NR2F6: variants seen among roughly 807,000 people sequenced by gnomAD.
NR2F6 encodes the protein ERBA-related gene-2.
In NR2F6, 16 loss-of-function variants were observed where a neutral mutation model predicts 26.5. The observed-to-expected ratio is 0.60, with a 90% CI of 0.41 to 0.92. NR2F6 has a LOEUF of 0.92. NR2F6 is among the 40% of genes least tolerant of loss of function. The pLI is 0.00. For missense variants in NR2F6, 536 were observed against 631.7 expected (o/e 0.85, Z 1.62); for synonymous variants, 325 against 305.0 (o/e 1.07, Z -0.68).
At position 17,245,484 on chromosome 19, in the gene NR2F6, C is replaced by A. The variant is rs1418058718; in HGVS notation, c.-264G>T. 5.4e-6 allele frequency: 1 copy of A among 183,922 alleles called. No individual in the cohort carries two copies. Among genetic ancestry groups the A allele is most frequent in the Admixed American group, 6.3e-5 (1 of 15,920 alleles). The allele number at this position is 183,922 out of a possible 1,614,324, so 11.4% of individuals were successfully genotyped here. On this transcript the variant is annotated 5_prime_UTR_variant, in exon 1 of 4. Coordinates refer to ENST00000291442, the MANE Select transcript of NR2F6 (RefSeq NM_005234.4). The surrounding 1 kb of genome is among the most constrained non-coding windows in gnomAD (Gnocchi z 5.0). ...GGAGGGGCACGCTAGAGGCGCGGGC[C>A]GGGGGCCCAGAGGACTCGCGTCCCG...
Position 17,232,210 on chromosome 19 carries a change from C to T in NR2F6, c.*142G>A, listed in dbSNP as rs2145561332. 6 of 1,159,148 alleles carry T rather than the reference C, an allele frequency of 5.2e-6. No individual in the cohort carries two copies. Among genetic ancestry groups the T allele is most frequent in the Non-Finnish European group, 4.8e-6 (4 of 835,518 alleles). The allele number at this position is 1,159,148 out of a possible 1,614,324, so 71.8% of individuals were successfully genotyped here. A position where few individuals can be genotyped will look rare whatever the true frequency, so the allele number is the denominator to read the frequency against. Reference sequence around the variant, plus strand: ...TCATTTAAAAAACAGAAAAGACAAACATTTCACAGTCTTTAAAAAATAGAA... The same window carrying T: ...TCATTTAAAAAACAGAAAAGACAAATATTTCACAGTCTTTAAAAAATAGAA... On this transcript the variant is annotated 3_prime_UTR_variant, in exon 4 of 4. Coordinates refer to ENST00000291442, the MANE Select transcript of NR2F6 (RefSeq NM_005234.4).
chr19:17,243,577 C>T (rs1012936219), intron 1 of NR2F6, among the ~76,000 whole-genome samples: 19 of 152,066 alleles, frequency 1.2e-4, no homozygotes, highest in African/African-American at 4.3e-4. Flanking sequence ...AGAGAGCAGG[C>T]GGTTTTCCAG....
At chr19:17,233,404 T>C (rs1299523503) in intron 3 of NR2F6, among the ~76,000 whole-genome samples, 1 of 152,172 alleles carries the variant, frequency 6.6e-6, no homozygotes, top group African/African-American at 2.4e-5. Flanking sequence ...CCTCCAGAGA[T>C]AGTGAGGTGT....
At chr19:17,238,646 C>A (rs1337862034) in intron 2 of NR2F6, among the ~76,000 whole-genome samples, 2 of 152,120 alleles carry the variant, frequency 1.3e-5, no homozygotes, top group Non-Finnish European at 2.9e-5. Flanking sequence ...GAGGCAAAAT[C>A]CATGTTATGG....
chr19:17,234,167 G>T (rs2073422983), intron 3 of NR2F6, among the ~76,000 whole-genome samples: 1 of 150,388 alleles, frequency 6.6e-6, no homozygotes, highest in East Asian at 2.0e-4. Context: ...AGGTTGCAGT[G>T]AGCCGAGATC....
rs932634168 is a variant in NR2F6 at position 17,235,704 on chromosome 19, C to G, written c.735G>C (p.Leu245=). The G allele has an allele frequency of 1.3e-6, 2 of 1,496,748 alleles. No individual in the cohort carries two copies. Among genetic ancestry groups the G allele is most frequent in the Non-Finnish European group, 1.8e-6 (2 of 1,132,634 alleles). The allele number at this position is 1,496,748 out of a possible 1,614,324, so 92.7% of individuals were successfully genotyped here. A position where few individuals can be genotyped will look rare whatever the true frequency, so the allele number is the denominator to read the frequency against. Residue 245 remains leucine, a synonymous_variant, in exon 3 of 4, where the codon CTG becomes CTC. Coordinates refer to ENST00000291442, the MANE Select transcript of NR2F6 (RefSeq NM_005234.4). This position sits in a 1 kb window ranked among gnomAD's most constrained non-coding sequence, Gnocchi z 5.0. ...LRLSWSELFV[L]NAAQAALPLH... is the part of the protein sequence containing the mutation. ...GGGGCAGCGCCGCCTGCGCCGCGTT[C>G]AGCACGAAGAGCTCGCTCCAGCTCA...
At position 17,232,519 on chromosome 19, in the gene NR2F6, A is replaced by G. The variant is rs754055705; in HGVS notation, c.1048T>C (p.Phe350Leu). 6 of 1,611,164 alleles carry G rather than the reference A, an allele frequency of 3.7e-6. No homozygotes were observed. The highest frequency in any genetic ancestry group is 4.2e-6 in the Non-Finnish European group (5 of 1,178,794). Residue 350 changes from phenylalanine to leucine, a missense_variant, in exon 4 of 4, where the codon TTC (phenylalanine) becomes CTC (leucine). Coordinates refer to ENST00000291442, the MANE Select transcript of NR2F6 (RefSeq NM_005234.4). ...RAQYPSQPQR[F>L]GRLLLRLPAL... Reference sequence around the variant, plus strand: ...GGGAGCCGCAGCAGCAGGCGCCCGAAGCGCTGGGGCTGGGACGGGTACTGC... The same window carrying G: ...GGGAGCCGCAGCAGCAGGCGCCCGAGGCGCTGGGGCTGGGACGGGTACTGC...
chr19:17,244,576 G>A, intron 1 of NR2F6: 1 of 230,800 alleles, frequency 4.3e-6, no homozygotes, highest in Non-Finnish European at 8.5e-6. Context: ...AGGGCATCCC[G>A]CGCGCCGGGA....
At chr19:17,242,534 C>A (rs1424582297) in intron 1 of NR2F6, among the ~76,000 whole-genome samples, 2 of 152,160 alleles carry the variant, frequency 1.3e-5, no homozygotes. Flanking sequence ...CTTAGGAAAG[C>A]TGAGGATCTG....
rs921270273 is a variant in NR2F6 at position 17,235,401 on chromosome 19, C to G, written c.940+98G>C. ...CAGGGCCCCAGGCCTAGGGAGCGAGCGGGGCGCTATGGGGGCCGGAGTCTG... is the reference window on the plus strand; with the variant it reads ...CAGGGCCCCAGGCCTAGGGAGCGAGGGGGGCGCTATGGGGGCCGGAGTCTG... On this transcript the variant is annotated intron_variant, in intron 3 of 3. Transcript: ENST00000291442. The surrounding 1 kb of genome is among the most constrained non-coding windows in gnomAD (Gnocchi z 5.0). 2.9e-5 allele frequency: 43 copies of G among 1,497,712 alleles called. No homozygotes were observed. Among genetic ancestry groups the G allele is most frequent in the Non-Finnish European group, 3.6e-5 (41 of 1,129,762 alleles). 92.8% of individuals were successfully genotyped at this position (1,497,712 alleles called of 1,614,324 possible).
chr19:17,245,187 C>G lies in NR2F6; in HGVS notation c.34G>C (p.Gly12Arg). Residue 12 changes from glycine to arginine, a missense_variant, in exon 1 of 4, where the codon GGC becomes CGC. Transcript: ENST00000291442. The surrounding 1 kb of genome is among the most constrained non-coding windows in gnomAD (Gnocchi z 5.0). Reference sequence around the variant, plus strand: ...TTGTCCACGCCGTTCGTGTCGCCGCCGGGGCCGCCCCAGCCGCCGGTCACC... The same window carrying G: ...TTGTCCACGCCGTTCGTGTCGCCGCGGGGGCCGCCCCAGCCGCCGGTCACC... ...AMVTGGWGGP[G>R]GDTNGVDKAG... 7.2e-7 allele frequency: 1 copy of G among 1,385,164 alleles called. No individual in the cohort carries two copies. The highest frequency in any genetic ancestry group is 9.4e-7 in the Non-Finnish European group (1 of 1,066,790). The allele number at this position is 1,385,164 out of a possible 1,614,324, so 85.8% of individuals were successfully genotyped here. A position where few individuals can be genotyped will look rare whatever the true frequency, so the allele number is the denominator to read the frequency against.
intron 1 of NR2F6, among the ~76,000 whole-genome samples, chr19:17,243,463 C>G (rs1424506096): frequency 6.8e-6 from 1 of 147,448 alleles, no homozygotes; most frequent in East Asian, 1.9e-4. Flanking sequence ...CAAGCAAGGC[C>G]CCCCCCACCC....
chr19:17,235,582 TG>T lies in NR2F6; in HGVS notation c.856del (p.Gln286ArgfsTer100). On this transcript the variant is annotated frameshift_variant, in exon 3 of 4. Transcript: ENST00000291442. LOFTEE classifies it high-confidence loss of function. The surrounding 1 kb of genome is among the most constrained non-coding windows in gnomAD (Gnocchi z 5.0). ...VAFMDQVRAF[Q>X]EQVDKLGRLQ... The stretch of plus-strand genomic sequence containing the variant: ...GCGGCCCAGCTTGTCCACCTGCTCC[TG>T]GAAGGCGCGCACCTGGTCCATGAAA... The T allele has an allele frequency of 6.3e-7, 1 of 1,589,226 alleles. No homozygotes were observed.
intron 1 of NR2F6, 45 bp downstream of exon 1, chr19:17,244,898 G>A: frequency 6.5e-7 from 1 of 1,545,136 alleles, no homozygotes; most frequent in Non-Finnish European, 8.7e-7. Flanking sequence ...CCTGCCCCAG[G>A]TCGGGGCGGG....
In NR2F6 at chr19:17,240,772, G is replaced by A. The variant is rs1437153270; in HGVS notation, c.279-7C>T. On this transcript the variant is annotated splice_region_variant and splice_polypyrimidine_tract_variant and intron_variant, in intron 1 of 3. Coordinates refer to ENST00000291442, the MANE Select transcript of NR2F6 (RefSeq NM_005234.4). ...CTGGCAGTCACGGTTGGACCTGGGG[G>A]CACACAGAAGCCAGGGCTCCCTGAG... 9 of 1,613,340 alleles carry A rather than the reference G, an allele frequency of 5.6e-6. No individual in the cohort carries two copies. The highest frequency in any genetic ancestry group is 2.2e-5 in the East Asian group (1 of 44,876).
rs2145563598 is a variant in NR2F6 at position 17,235,183 on chromosome 19, G to C, written c.940+316C>G. On this transcript the variant is annotated intron_variant, in intron 3 of 3. Coordinates refer to ENST00000291442, the MANE Select transcript of NR2F6 (RefSeq NM_005234.4). The surrounding 1 kb of genome is among the most constrained non-coding windows in gnomAD (Gnocchi z 5.0). ...TGAAGAGCCCTTTGGTGAGGGAGTA[G>C]GGGTCTCAGGGAGCCTGGGAACAGG... Among the ~76,000 whole-genome samples, 1 of 152,356 alleles carries C rather than the reference G, an allele frequency of 6.6e-6. No individual in the cohort carries two copies. Among genetic ancestry groups the C allele is most frequent in the South Asian group, 2.1e-4 (1 of 4,828 alleles).
chr19:17,232,366 C>T lies in NR2F6; in HGVS notation c.1201G>A (p.Gly401Ser), dbSNP rs370347405. 59 of 1,613,790 alleles carry T rather than the reference C, an allele frequency of 3.7e-5. No homozygotes were observed. The highest frequency in any genetic ancestry group is 1.6e-4 in the Middle Eastern group (1 of 6,082). The change falls in exon 4 of 4, where the codon GGC becomes AGC. Residue 401 changes from glycine (G) to serine (S), a missense_variant. Physicochemically the swap from Gly to Ser is moderately conservative, Grantham distance 56 (BLOSUM62 0). Coordinates refer to ENST00000291442, the MANE Select transcript of NR2F6 (RefSeq NM_005234.4). The part of the protein sequence containing the change: ...LSGSTFNWPY[G>S]SGQ The stretch of plus-strand genomic sequence containing the variant: ...CCCCGTCATGGTCACTGGCCCGAGC[C>T]GTAGGGCCAGTTGAAGGTACTCCCC...
rs1020255744 is a variant in NR2F6 at position 17,232,267 on chromosome 19, C to T, written c.*85G>A. Reference sequence around the variant, plus strand: ...GGAGAGAAGCCAGAGTCCTGGGCCCCGGGAGGCCCCTCGAGGCCTCAGCAT... The same window carrying T: ...GGAGAGAAGCCAGAGTCCTGGGCCCTGGGAGGCCCCTCGAGGCCTCAGCAT... On this transcript the variant is annotated 3_prime_UTR_variant, in exon 4 of 4. Coordinates refer to ENST00000291442, the MANE Select transcript of NR2F6 (RefSeq NM_005234.4). The T allele has an allele frequency of 2.1e-5, 32 of 1,559,406 alleles. No homozygotes were observed. The highest frequency in any genetic ancestry group is 3.9e-5 in the Admixed American group (2 of 51,710).
At chr19:17,239,805 C>T (rs1448653384) in intron 2 of NR2F6, among the ~76,000 whole-genome samples, 1 of 151,776 alleles carries the variant, frequency 6.6e-6, no homozygotes, top group Non-Finnish European at 1.5e-5. Context: ...GAAGATGGAG[C>T]GAGACTCCAT....
Sources: gnomAD v4.1 joint callset for allele counts (sites outside exome capture counted in the v4.1 genomes callset) on GRCh38, gnomAD v4.1.1 for gene constraint, Gnocchi (gnomAD v3.1) non-coding constraint, MANE v1.5 for transcripts, NCBI Gene and HGNC (gene_info 2026-07-23, HGNC 2026-07-21) for gene names.